The following NAV1 variants were observed in gnomAD, a reference collection of about 807,000 sequenced individuals.
NAV1 encodes pore membrane and/or filament interacting like protein 3.
Under a neutral mutation model 175.2 loss-of-function variants are expected in NAV1, and 18 were observed. The observed-to-expected ratio is 0.10, with a 90% CI of 0.07 to 0.15. The LOEUF (loss-of-function observed/expected upper bound fraction) is 0.15. Among genes scored for constraint, NAV1 ranks in the 10% least tolerant of loss-of-function variants. NAV1 has a pLI of 1.00. For synonymous variants in NAV1, 897 were observed against 978.7 expected, an observed-to-expected ratio of 0.92 and a Z score of 1.56; for missense variants, 1,731 against 2,436.6, an observed-to-expected ratio of 0.71 and a Z score of 6.10.
At chr1:201,790,154 T>C (rs1677019045) in intron 11 of NAV1, among the ~76,000 whole-genome samples, 1 of 152,300 alleles carries the variant, frequency 6.6e-6, no homozygotes, top group South Asian at 2.1e-4. Context: ...TCCAGAACCC[T>C]AGAAGTGACC....
chr1:201,632,133 C>A (rs10920221), intron 2 of NAV1, among the ~76,000 whole-genome samples: 2 of 151,990 alleles, frequency 1.3e-5, no homozygotes, highest in African/African-American at 4.8e-5. Flanking sequence ...AGTCTTTGAG[C>A]GGAGCAGGAG....
At chr1:201,685,789 A>C (rs1670662688) in intron 1 of NAV1, among the ~76,000 whole-genome samples, 1 of 152,206 alleles carries the variant, frequency 6.6e-6, no homozygotes, top group Non-Finnish European at 1.5e-5. Flanking sequence ...AGCTAGTGGC[A>C]GAGCAAGTAG....
intron 2 of NAV1, among the ~76,000 whole-genome samples, chr1:201,613,725 G>A (rs1449929170): frequency 6.6e-6 from 1 of 152,128 alleles, no homozygotes; most frequent in Non-Finnish European, 1.5e-5. Flanking sequence ...AGCCAGGCAT[G>A]GTGGCACACG....
At chr1:201,643,592 T>A (rs1006261782), upstream of NAV1, among the ~76,000 whole-genome samples, 2 of 152,124 alleles carry the variant, frequency 1.3e-5, no homozygotes, top group African/African-American at 2.4e-5. Context: ...TTTGTATTTT[T>A]AATAGGAACA....
intron 14 of NAV1, 34 bp downstream of exon 18, chr1:201,793,909 T>TGTGGGGGGGGGGGGGGGCCCC: frequency 1.9e-6 from 1 of 516,468 alleles, no homozygotes; most frequent in Admixed American, 2.0e-5. Context: ...GAGGGGTGGG[T>TGTGGGGGGGGGGGGGGGCCCC]GCGGCGAGGG....
At chr1:201,715,421 A>G (rs1026498472) in intron 2 of NAV1, among the ~76,000 whole-genome samples, 3 of 152,164 alleles carry the variant, frequency 2.0e-5, no homozygotes, top group African/African-American at 7.2e-5. Flanking sequence ...CGGCCACCCA[A>G]AGTGCTGGGA....
chr1:201,583,963 C>A (rs564449704), intron 1 of NAV1, among the ~76,000 whole-genome samples: 1 of 152,212 alleles, frequency 6.6e-6, no homozygotes, highest in East Asian at 1.9e-4. Flanking sequence ...TGTACTCCAA[C>A]TTCGTCCTCT....
intron 1 of NAV1, among the ~76,000 whole-genome samples, chr1:201,567,063 C>T (rs956783873): frequency 6.6e-6 from 1 of 152,058 alleles, no homozygotes; most frequent in Non-Finnish European, 1.5e-5. Context: ...TCCCACCCCC[C>T]ATCCCCAGCC....
chr1:201,779,972 G>C (rs1350741378), intron 3 of NAV1, among the ~76,000 whole-genome samples: 1 of 152,172 alleles, frequency 6.6e-6, no homozygotes, highest in Non-Finnish European at 1.5e-5. Flanking sequence ...TTCTAGAAAA[G>C]AGAAATCTTT....
intron 1 of NAV1, among the ~76,000 whole-genome samples, chr1:201,654,087 C>A (rs967392): frequency 0.72 from 109,624 of 152,048 alleles, 39,710 homozygotes; most frequent in Admixed American, 0.78. Flanking sequence ...TCTGAGAGTA[C>A]CGCATGGATG....
intron 2 of NAV1, among the ~76,000 whole-genome samples, chr1:201,590,636 G>T (rs1667160250): frequency 6.6e-6 from 1 of 152,242 alleles, no homozygotes; most frequent in African/African-American, 2.4e-5. Flanking sequence ...GCTGAGGAAG[G>T]GCTGCAGGGG....
chr1:201,821,111 A>G (rs2016475), exon 30 of NAV1: 36,078 of 152,496 alleles, frequency 0.24, 4,468 homozygotes, highest in Non-Finnish European at 0.28. Flanking sequence ...ATGAGAAGGT[A>G]TAGCCCCATC....
intron 1 of NAV1, among the ~76,000 whole-genome samples, chr1:201,675,737 CTTCTCTAAACTCATG>C (rs1670222970): frequency 6.6e-6 from 1 of 152,182 alleles, no homozygotes; most frequent in Admixed American, 6.5e-5. Context: ...TCCAAATTCA[CTTCTCTAAACTCATG>C]TTCTCCCTCC....
At position 201,717,658 on chromosome 1, in the gene NAV1, C is replaced by A. The variant is rs184290803; in HGVS notation, c.861-732C>A. ...CCATGTCTGGTTCCCTGTGTCCTCT[C>A]CTTTGTCCAGTTAAGGCTGCTTCTA... is the stretch of plus-strand genomic sequence containing the variant. On this transcript the variant is annotated intron_variant, in intron 2 of 29. Coordinates refer to ENST00000367296, the Ensembl canonical transcript of NAV1. Among the ~76,000 whole-genome samples, 4 of 152,352 alleles carry A rather than the reference C, an allele frequency of 2.6e-5. No individual in the cohort carries two copies. In the East Asian group the frequency reaches 7.7e-4, roughly 29 times the overall value.
exon 4 of NAV1, chr1:201,780,425 G>A (rs767209850): frequency 7.4e-6 from 12 of 1,614,192 alleles, no homozygotes; most frequent in Middle Eastern, 1.6e-4. Context: ...CTGTAGCTGG[G>A]ATGAAAGCAG....
Position 201,783,706 on chromosome 1 carries a change from GT to G in NAV1, c.2659del (p.Ser887ProfsTer6). 1 of 1,614,202 alleles carries G rather than the reference GT, an allele frequency of 6.2e-7. No homozygotes were observed. Among genetic ancestry groups the G allele is most frequent in the Non-Finnish European group, 8.5e-7 (1 of 1,180,038 alleles). ...TCTCAGGCCTGCACAGGAGCATGGA[GT>G]CCCTCCAGATGCCAATGAGCCTCCC... is the stretch of plus-strand genomic sequence containing the variant. On this transcript the variant is annotated frameshift_variant, in exon 7 of 30. Transcript: ENST00000367296. LOFTEE classifies it high-confidence loss of function.
chr1:201,764,167 A>AT (rs1457488027), intron 3 of NAV1, among the ~76,000 whole-genome samples: 3 of 152,262 alleles, frequency 2.0e-5, no homozygotes, highest in African/African-American at 7.2e-5. Context: ...GAGGTGGTCA[A>AT]TATCCAATGT....
At chr1:201,642,522 T>TTTCTTTCTTTCTTTCTTTTTC (rs1558031647) in intron 2 of NAV1, among the ~76,000 whole-genome samples, 1 of 96,774 alleles carries the variant, frequency 1.0e-5, no homozygotes, top group Non-Finnish European at 2.0e-5. Flanking sequence ...TCTTTCTTTC[T>TTTCTTTCTTTCTTTCTTTTTC]TTTTTTCTTT....
chr1:201,643,759 CCTCTCCTCT>C (rs1355397360), upstream of NAV1, among the ~76,000 whole-genome samples: 1 of 152,068 alleles, frequency 6.6e-6, no homozygotes, highest in African/African-American at 2.4e-5. Flanking sequence ...GCCTTCCCAC[CCTCTCCTCT>C]CTTTGGCTCT....
Sources: gnomAD v4.1 joint callset for allele counts (sites outside exome capture counted in the v4.1 genomes callset) on GRCh38, gnomAD v4.1.1 for gene constraint, MANE v1.5 for transcripts, NCBI Gene and HGNC (gene_info 2026-07-23, HGNC 2026-07-21) for gene names.